Variants in PALM2AKAP2 observed in about 807,000 individuals in gnomAD.
PALM2AKAP2 encodes PALM2 and AKAP2 fusion.
PALM2AKAP2 carries 37 observed loss-of-function variants against 71.5 expected under a neutral mutation model. The observed-to-expected ratio is 0.52, with a 90% CI of 0.40 to 0.68. The LOEUF (loss-of-function observed/expected upper bound fraction) is 0.68, where lower values mean the gene tolerates loss of function less well. PALM2AKAP2 is among the 30% of genes least tolerant of loss of function. The pLI is 0.00. For synonymous variants in PALM2AKAP2, 468 were observed against 478.8 expected, an observed-to-expected ratio of 0.98 and a Z score of 0.29; for missense variants, 1,224 against 1,191.8, an observed-to-expected ratio of 1.03 and a Z score of -0.40.
At chr9:110,039,021 G>A (rs542464669) in intron 7 of PALM2AKAP2, among the ~76,000 whole-genome samples, 3 of 151,752 alleles carry the variant, frequency 2.0e-5, no homozygotes, top group East Asian at 3.9e-4. Context: ...AAGCCAAGGC[G>A]GGGAATTGCT....
At chr9:109,917,064 T>G (rs1223968170) in intron 3 of PALM2AKAP2, among the ~76,000 whole-genome samples, 1 of 152,186 alleles carries the variant, frequency 6.6e-6, no homozygotes, top group Admixed American at 6.5e-5. Flanking sequence ...TGGGTACACT[T>G]TGTATAACCA....
intron 1 of PALM2AKAP2, among the ~76,000 whole-genome samples, chr9:110,068,733 T>A (rs561222): frequency 0.69 from 104,087 of 151,900 alleles, 36,294 homozygotes; most frequent in African/African-American, 0.82. Flanking sequence ...GAGTCTTGCC[T>A]TGTTGCCCAG....
chr9:109,670,105 A>G (rs1342541662), intron 1 of PALM2AKAP2, among the ~76,000 whole-genome samples: 1 of 152,054 alleles, frequency 6.6e-6, no homozygotes, highest in East Asian at 1.9e-4. Flanking sequence ...ATTTAGCTTG[A>G]AATATTTTAT....
At chr9:110,156,217 C>T (rs1836451223) in intron 2 of PALM2AKAP2, 102 bp from the exon 9 acceptor site, 6 of 1,422,900 alleles carry the variant, frequency 4.2e-6, no homozygotes, top group South Asian at 1.6e-5. Flanking sequence ...TGGTACCACT[C>T]TCTGTGTCAG....
chr9:109,758,647 G>A (rs1829004121), intron 1 of PALM2AKAP2, among the ~76,000 whole-genome samples: 1 of 151,536 alleles, frequency 6.6e-6, no homozygotes, highest in African/African-American at 2.4e-5. Context: ...ATCCAGATGT[G>A]CAAAGAAGTG....
chr9:109,851,547 A>G (rs1360204095), intron 1 of PALM2AKAP2, among the ~76,000 whole-genome samples: 1 of 152,222 alleles, frequency 6.6e-6, no homozygotes, highest in Non-Finnish European at 1.5e-5. Flanking sequence ...CTGGTGATAG[A>G]TACCAAAGGG....
intron 1 of PALM2AKAP2, among the ~76,000 whole-genome samples, chr9:110,132,904 C>T (rs2119074043): frequency 6.6e-6 from 1 of 152,350 alleles, no homozygotes; most frequent in Admixed American, 6.5e-5. Context: ...GCTATTATTG[C>T]ACCCTGCCAA....
intron 1 of PALM2AKAP2, among the ~76,000 whole-genome samples, chr9:109,696,617 A>T (rs1827974170): frequency 6.6e-6 from 1 of 152,168 alleles, no homozygotes; most frequent in Non-Finnish European, 1.5e-5. Flanking sequence ...ATATACAAAG[A>T]CATGTATCTA....
At chr9:110,045,487 G>T (rs1378491031), upstream of PALM2AKAP2, among the ~76,000 whole-genome samples, 3 of 152,110 alleles carry the variant, frequency 2.0e-5, no homozygotes, top group African/African-American at 7.2e-5. Flanking sequence ...GAATCATCTG[G>T]GAGCTGTTAA....
intron 6 of PALM2AKAP2, among the ~76,000 whole-genome samples, chr9:109,984,560 A>G (rs1052201448): frequency 5.9e-5 from 9 of 152,064 alleles, no homozygotes; most frequent in African/African-American, 2.2e-4. Flanking sequence ...AATAAACAAA[A>G]TTTTAGAAAC....
chr9:109,706,218 A>G (rs747371749), intron 1 of PALM2AKAP2, among the ~76,000 whole-genome samples: 2 of 152,242 alleles, frequency 1.3e-5, no homozygotes, highest in Non-Finnish European at 2.9e-5. Flanking sequence ...TTAGAAAAAT[A>G]AAAATGATTT....
At chr9:110,068,656 C>T (rs1000256796) in intron 1 of PALM2AKAP2, among the ~76,000 whole-genome samples, 5 of 152,062 alleles carry the variant, frequency 3.3e-5, no homozygotes, top group Admixed American at 2.6e-4. Context: ...CTCAGCCTCC[C>T]GAGTAGCTGA....
chr9:109,793,639 A>G (rs1338903164), intron 1 of PALM2AKAP2, among the ~76,000 whole-genome samples: 1 of 152,264 alleles, frequency 6.6e-6, no homozygotes, highest in African/African-American at 2.4e-5. Flanking sequence ...AGAATGAAAA[A>G]TGAGTGGAAA....
intron 3 of PALM2AKAP2, among the ~76,000 whole-genome samples, chr9:109,912,359 C>T (rs1258853902): frequency 6.6e-6 from 1 of 151,514 alleles, no homozygotes; most frequent in Non-Finnish European, 1.5e-5. Flanking sequence ...TGACACCTTA[C>T]AGTCAAGGAA....
At chr9:109,983,346 C>A (rs1412838650) in intron 6 of PALM2AKAP2, among the ~76,000 whole-genome samples, 4 of 152,104 alleles carry the variant, frequency 2.6e-5, no homozygotes, top group Non-Finnish European at 5.9e-5. Flanking sequence ...CATCCCTTTG[C>A]TTTTTCTATG....
chr9:109,842,986 C>G (rs927774781), intron 1 of PALM2AKAP2, among the ~76,000 whole-genome samples: 6 of 151,656 alleles, frequency 4.0e-5, no homozygotes, highest in African/African-American at 1.5e-4. Context: ...ACTAAAAATA[C>G]AAAATTTGCC....
rs532362708 is a variant in PALM2AKAP2 at position 110,061,989 on chromosome 9, C to T, written c.156+13134C>T. On this transcript the variant is annotated intron_variant, in intron 1 of 3. Transcript: ENST00000374525. ...ATCATTCCTGTTTTTACTATGCTGC[C>T]TTCTTAGTGCTTAATACAAACTAAG... 8.5e-5 allele frequency among the ~76,000 whole-genome samples: 12 copies of T among 140,446 alleles called. No homozygotes were observed. The South Asian group carries it at 1.0e-3, about 12-fold the overall frequency. The allele number at this position is 140,446 out of a possible 152,430, so 92.1% of individuals were successfully genotyped here.
At chr9:109,965,820 A>G (rs1417166115) in intron 6 of PALM2AKAP2, among the ~76,000 whole-genome samples, 1 of 152,224 alleles carries the variant, frequency 6.6e-6, no homozygotes, top group Non-Finnish European at 1.5e-5. Flanking sequence ...AAAAAGAGAT[A>G]TTAAGATGTT....
chr9:110,015,491 C>A lies in PALM2AKAP2; in HGVS notation c.497-463C>A, dbSNP rs1208401009. 2.6e-5 allele frequency among the ~76,000 whole-genome samples: 4 copies of A among 151,956 alleles called. No individual in the cohort carries two copies. In the South Asian group the frequency reaches 6.2e-4, roughly 24 times the overall value. Reference sequence around the variant, plus strand: ...GGCGGGTGCCTGTAATCCCATAATCCCAGTTACTTGGGAGGCTGAGGCAGG... The same window carrying A: ...GGCGGGTGCCTGTAATCCCATAATCACAGTTACTTGGGAGGCTGAGGCAGG... On this transcript the variant is annotated intron_variant, in intron 6 of 9. Coordinates refer to the PALM2AKAP2 transcript ENST00000302798.
Sources: gnomAD v4.1 joint callset for allele counts (sites outside exome capture counted in the v4.1 genomes callset) on GRCh38, gnomAD v4.1.1 for gene constraint, MANE v1.5 for transcripts, NCBI Gene and HGNC (gene_info 2026-07-23, HGNC 2026-07-21) for gene names.